The following LPA variants were observed in gnomAD, a reference collection of about 807,000 sequenced individuals.
LPA encodes the protein apolipoprotein(a).
LPA carries 199 observed loss-of-function variants against 197.9 expected under a neutral mutation model. The observed-to-expected ratio is 1.01, with a 90% CI of 0.90 to 1.13. The LOEUF is 1.13. Among genes scored for constraint, LPA ranks in the 50% most tolerant of loss-of-function variants. The pLI, the probability that LPA is intolerant of heterozygous loss-of-function variation, is 0.00. For missense variants in LPA, 1,853 were observed against 1,785.8 expected (o/e 1.04, Z -0.68); for synonymous variants, 715 against 639.5 (o/e 1.12, Z -1.78).
intron 20 of LPA, among the ~76,000 whole-genome samples, chr6:160,597,478 G>C (rs1019370692): frequency 6.6e-6 from 1 of 152,100 alleles, no homozygotes; most frequent in Non-Finnish European, 1.5e-5. Context: ...GTGTGTGCAC[G>C]TGTGCCATTG....
At chr6:160,653,156 C>T (rs891447324) in intron 1 of LPA, among the ~76,000 whole-genome samples, 2 of 152,062 alleles carry the variant, frequency 1.3e-5, no homozygotes, top group Non-Finnish European at 2.9e-5. Context: ...CACAAATAGA[C>T]TTCAGAACAA....
chr6:160,576,382 A>ATGTG (rs1562327948), intron 28 of LPA, among the ~76,000 whole-genome samples: 102 of 50,612 alleles, frequency 2.0e-3, no homozygotes, highest in African/African-American at 5.3e-3. Flanking sequence ...ATATATATAT[A>ATGTG]TATATATGTA....
intron 28 of LPA, among the ~76,000 whole-genome samples, chr6:160,571,923 G>A (rs1341703020): frequency 6.6e-6 from 1 of 151,902 alleles, no homozygotes; most frequent in Non-Finnish European, 1.5e-5. Context: ...ACTGGGGTAT[G>A]AAAAAAAACT....
chr6:160,587,751 T>TTG (rs67979615), intron 24 of LPA, among the ~76,000 whole-genome samples: 7,798 of 125,326 alleles, frequency 0.062, 247 homozygotes, highest in Admixed American at 0.079. Flanking sequence ...GGTTCAGTCT[T>TTG]TGTGTGTGTG....
chr6:160,662,986 C>T (rs1257553110), intron 1 of LPA, among the ~76,000 whole-genome samples: 1 of 152,138 alleles, frequency 6.6e-6, no homozygotes, highest in African/African-American at 2.4e-5. Flanking sequence ...GGGACAACAC[C>T]CTGCTCACAA....
At chr6:160,649,861 G>A (rs1290419523) in intron 2 of LPA, among the ~76,000 whole-genome samples, 1 of 152,132 alleles carries the variant, frequency 6.6e-6, no homozygotes, top group African/African-American at 2.4e-5. Flanking sequence ...GACCACTGGT[G>A]CTCAGGACCC....
At chr6:160,582,897 G>C (rs1483146148) in intron 26 of LPA, among the ~76,000 whole-genome samples, 1 of 152,018 alleles carries the variant, frequency 6.6e-6, no homozygotes, top group Admixed American at 6.6e-5. Context: ...CTTTGTATAA[G>C]CGTGCTATGG....
intron 30 of LPA, among the ~76,000 whole-genome samples, chr6:160,549,057 G>A (rs1778127347): frequency 2.0e-5 from 3 of 152,034 alleles, no homozygotes; most frequent in Admixed American, 1.3e-4. Flanking sequence ...CTTCACAGGC[G>A]GCAGGACAGA....
In LPA at chr6:160,594,000, G is replaced by A; in HGVS notation, c.3587C>T (p.Thr1196Ile). The change falls in exon 22 of 39, where the codon ACA (threonine) becomes ATA (isoleucine). Residue 1196 changes from threonine to isoleucine, a missense_variant. By Grantham distance (89) the Thr-to-Ile change is moderately conservative. Coordinates refer to ENST00000316300, the MANE Select transcript of LPA (RefSeq NM_005577.4). ...GRTCQSWSSM[T>I]PHWHQRTTEY... ...TGTTGTCCTCTGATGCCAGTGTGGT[G>A]TCATAGAGGACCAAGACTGACATGT... 1 of 1,613,974 alleles carries A rather than the reference G, an allele frequency of 6.2e-7. No individual in the cohort carries two copies. The highest frequency in any genetic ancestry group is 8.5e-7 in the Non-Finnish European group (1 of 1,179,872).
intron 2 of LPA, among the ~76,000 whole-genome samples, chr6:160,647,573 C>T (rs779724813): frequency 6.6e-6 from 1 of 152,208 alleles, no homozygotes; most frequent in East Asian, 1.9e-4. Flanking sequence ...CCTTGGCTTC[C>T]CTCTTTTGAA....
At chr6:160,592,049 A>G (rs1447592607) in intron 22 of LPA, among the ~76,000 whole-genome samples, 2 of 152,110 alleles carry the variant, frequency 1.3e-5, no homozygotes, top group Non-Finnish European at 2.9e-5. Context: ...ATGACTATGA[A>G]TTTCTCATTT....
chr6:160,599,031 G>A (rs2115052774), intron 20 of LPA, among the ~76,000 whole-genome samples: 1 of 152,270 alleles, frequency 6.6e-6, no homozygotes, highest in African/African-American at 2.4e-5. Flanking sequence ...AAACTAGGAG[G>A]AAGGAGAGCC....
chr6:160,563,642 G>C (rs964584425), intron 28 of LPA, among the ~76,000 whole-genome samples: 2 of 151,068 alleles, frequency 1.3e-5, no homozygotes, highest in African/African-American at 4.8e-5. Context: ...CTGTCACGTC[G>C]ATCTAATATT....
rs72482597 is a variant in LPA at position 160,603,233 on chromosome 6, GGTGT to G, written c.2945+1809_2945+1812del. Among the ~76,000 whole-genome samples the G allele has an allele frequency of 2.9e-3, 422 of 144,846 alleles. 4 individuals are homozygous for G. The highest frequency in any genetic ancestry group is 5.9e-3 in the South Asian group (26 of 4,396). On this transcript the variant is annotated intron_variant, in intron 18 of 38. Coordinates refer to ENST00000316300, the MANE Select transcript of LPA (RefSeq NM_005577.4). The stretch of plus-strand genomic sequence containing the variant: ...GATTTCATTTTTTAGTATTTGTGGA[GGTGT>G]GTGTGTGTGTGTGTGTGTGTGTGCG...
Position 160,594,583 on chromosome 6 carries a change from T to G in LPA, c.3470-466A>C, listed in dbSNP as rs1779094219. On this transcript the variant is annotated intron_variant, in intron 21 of 38. Transcript: ENST00000316300. ...TTCTTGAAGATGGGGCAGGAAGCGG[T>G]CCTGCATCTAGGACTCGTAGGCAAA... Among the ~76,000 whole-genome samples the G allele has an allele frequency of 2.6e-5, 4 of 152,240 alleles. No individual in the cohort carries two copies. In the South Asian group the frequency reaches 8.3e-4, roughly 32 times the overall value.
At position 160,658,567 on chromosome 6, in the gene LPA, A is replaced by C. The variant is rs138429428; in HGVS notation, c.49+5599T>G. ...TTATGTTCCTTGGTTCTCCACATAT[A>C]GTCAAAGGTATTATGTATAGAGTCA... On this transcript the variant is annotated intron_variant, in intron 1 of 38. Coordinates refer to ENST00000316300, the MANE Select transcript of LPA (RefSeq NM_005577.4). Among the ~76,000 whole-genome samples, 1,191 of 152,270 alleles carry C rather than the reference A, an allele frequency of 7.8e-3. 21 individuals carry two copies. The highest frequency in any genetic ancestry group is 0.028 in the African/African-American group (1,152 of 41,556).
chr6:160,606,793 C>T (rs1779364030), intron 16 of LPA, 135 bp from the exon 17 acceptor site: 2 of 1,361,792 alleles, frequency 1.5e-6, no homozygotes, highest in African/African-American at 2.9e-5. Flanking sequence ...CATATGATTG[C>T]CACAAGCACA....
intron 28 of LPA, among the ~76,000 whole-genome samples, chr6:160,570,335 G>T (rs1232040197): frequency 1.3e-5 from 2 of 152,166 alleles, no homozygotes; most frequent in African/African-American, 4.8e-5. Flanking sequence ...GTCCTTTGTA[G>T]GGATGTGGAT....
Position 160,594,093 on chromosome 6 carries a change from A to G in LPA, c.3494T>C (p.Val1165Ala). The G allele has an allele frequency of 2.5e-6, 4 of 1,613,810 alleles. No individual in the cohort carries two copies. Among genetic ancestry groups the G allele is most frequent in the Non-Finnish European group, 3.4e-6 (4 of 1,179,822 alleles). ...EEAPTEQSPG[V>A]QDCYHGDGQS... ...TCCATCACCATGGTAGCAATCCTGGACCCCGGGGCTTTGCTCCGTTGGTGC... is the reference window on the plus strand; with the variant it reads ...TCCATCACCATGGTAGCAATCCTGGGCCCCGGGGCTTTGCTCCGTTGGTGC... The change falls in exon 22 of 39, where the codon GTC becomes GCC. Residue 1165 changes from valine (V) to alanine (A), a missense_variant. Physicochemically the swap from Val to Ala is moderately conservative, Grantham distance 64 (BLOSUM62 0). Transcript: ENST00000316300.
Sources: gnomAD v4.1 joint callset for allele counts (sites outside exome capture counted in the v4.1 genomes callset) on GRCh38, gnomAD v4.1.1 for gene constraint, MANE v1.5 for transcripts, NCBI Gene and HGNC (gene_info 2026-07-23, HGNC 2026-07-21) for gene names.